The following SPOPL variants were observed in gnomAD, a reference collection of about 807,000 sequenced individuals.
SPOPL encodes speckle type BTB/POZ protein like, also known as speckle-type POZ protein-like.
SPOPL carries 23 observed loss-of-function variants against 53.8 expected under a neutral mutation model. That is an observed-to-expected ratio of 0.43 (90% CI 0.31 to 0.61). SPOPL has a LOEUF of 0.61. SPOPL is among the 20% of genes least tolerant of loss of function. SPOPL has a pLI of 0.12. For synonymous variants in SPOPL, 164 were observed against 149.7 expected, an observed-to-expected ratio of 1.10 and a Z score of -0.70; for missense variants, 442 against 466.9, an observed-to-expected ratio of 0.95 and a Z score of 0.49.
chr2:138,546,707 G>A lies in SPOPL; in HGVS notation c.-60-3450G>A, dbSNP rs1488926010. ...ATTGACTTTGGAGCCAGGCAAATTT[G>A]TGTTCATCTATTTTCTAATTACTTT... On this transcript the variant is annotated intron_variant, in intron 1 of 10. Transcript: ENST00000280098. Among the ~76,000 whole-genome samples the A allele has an allele frequency of 2.6e-5, 4 of 151,024 alleles. No homozygotes were observed. The East Asian group carries it at 7.9e-4, about 30-fold the overall frequency.
chr2:138,522,880 C>T (rs970888262), intron 1 of SPOPL, among the ~76,000 whole-genome samples: 9 of 152,050 alleles, frequency 5.9e-5, no homozygotes, highest in African/African-American at 2.2e-4. Flanking sequence ...ATTAGCTATT[C>T]CATTAATTCT....
chr2:138,552,092 G>A (rs533018706), intron 4 of SPOPL, among the ~76,000 whole-genome samples: 2 of 152,110 alleles, frequency 1.3e-5, no homozygotes, highest in Admixed American at 1.3e-4. Context: ...GGATGGGTAT[G>A]TCAGGAAAGC....
At chr2:138,550,113 G>T in intron 1 of SPOPL, 44 bp from the exon 2 acceptor site, 2 of 960,076 alleles carry the variant, frequency 2.1e-6, no homozygotes, top group South Asian at 1.5e-5. Flanking sequence ...TGATTCTGTC[G>T]TTTAAACTTT....
At chr2:138,513,754 A>G in intron 1 of SPOPL, among the ~76,000 whole-genome samples, 1 of 151,814 alleles carries the variant, frequency 6.6e-6, no homozygotes, top group South Asian at 2.1e-4. Context: ...AAAAAAAAAA[A>G]AAAAATTGGC....
chr2:138,552,535 C>G lies in SPOPL; in HGVS notation c.353-19C>G, dbSNP rs1460239621. 1.3e-6 allele frequency: 2 copies of G among 1,594,216 alleles called. No individual in the cohort carries two copies. Among genetic ancestry groups the G allele is most frequent in the Middle Eastern group, 1.7e-4 (1 of 5,888 alleles). ...CTTGGATATTTATTTTATTTAAACTCTATTCTGTTTTCCACCAGAAAGCCA... is the reference window on the plus strand; with the variant it reads ...CTTGGATATTTATTTTATTTAAACTGTATTCTGTTTTCCACCAGAAAGCCA... On this transcript the variant is annotated intron_variant, in intron 4 of 10. Coordinates refer to ENST00000280098, the MANE Select transcript of SPOPL (RefSeq NM_001001664.3).
chr2:138,550,070 T>C (rs1489315704), intron 1 of SPOPL, 87 bp from the exon 2 acceptor site: 4 of 592,652 alleles, frequency 6.7e-6, no homozygotes, highest in African/African-American at 1.8e-5. Context: ...GGATAGTAAT[T>C]GTTTCATGTC....
chr2:138,546,726 TTACTTTAAAG>T (rs1249861228), intron 1 of SPOPL, among the ~76,000 whole-genome samples: 1 of 118,234 alleles, frequency 8.5e-6, no homozygotes, highest in South Asian at 2.9e-4. Context: ...TATTTTCTAA[TTACTTTAAAG>T]TAAGCTTTCT....
At chr2:138,564,435 A>G (rs16840713) in intron 8 of SPOPL, 44,948 of 343,492 alleles carry the variant, frequency 0.13, 3,394 homozygotes, top group African/African-American at 0.23. Flanking sequence ...TATATTTATT[A>G]AGAATATTGA....
At chr2:138,558,838 A>G (rs1573906482) in intron 5 of SPOPL, among the ~76,000 whole-genome samples, 184 bp from the exon 6 acceptor site, 1 of 152,126 alleles carries the variant, frequency 6.6e-6, no homozygotes, top group South Asian at 2.1e-4. Context: ...CTATATTTCT[A>G]ATTTTTTCAT....
chr2:138,554,786 A>T (rs1205767664), intron 5 of SPOPL, among the ~76,000 whole-genome samples: 1 of 152,256 alleles, frequency 6.6e-6, no homozygotes, highest in Non-Finnish European at 1.5e-5. Context: ...ATTTCATGAT[A>T]TACAGGAAAA....
intron 1 of SPOPL, among the ~76,000 whole-genome samples, chr2:138,545,995 AAG>A (rs1473507711): frequency 6.6e-6 from 1 of 152,206 alleles, no homozygotes; most frequent in Non-Finnish European, 1.5e-5. Context: ...ACTTCTGGTA[AAG>A]AGAGGAAACA....
intron 7 of SPOPL, 97 bp from the exon 8 acceptor site, chr2:138,560,708 G>A: frequency 7.6e-7 from 1 of 1,312,810 alleles, no homozygotes; most frequent in Non-Finnish European, 1.0e-6. Context: ...TTTTAGTGTA[G>A]ATTTAGGGCT....
intron 8 of SPOPL, among the ~76,000 whole-genome samples, 165 bp downstream of exon 8, chr2:138,561,092 A>T (rs1349548219): frequency 1.3e-5 from 2 of 152,136 alleles, no homozygotes; most frequent in Non-Finnish European, 2.9e-5. Flanking sequence ...ATTTTTTTTT[A>T]AAAGTCATGA....
Position 138,538,991 on chromosome 2 carries a change from C to T in SPOPL, c.-60-11166C>T, listed in dbSNP as rs185841324. 2.9e-3 allele frequency among the ~76,000 whole-genome samples: 437 copies of T among 152,216 alleles called. 2 individuals carry two copies. Among genetic ancestry groups the T allele is most frequent in the Middle Eastern group, 0.01 (3 of 294 alleles). ...TCAATTTTCCACCTATGAGTGAGAA[C>T]ATGCGGTGTTTGGTTTTTTGTCCTT... On this transcript the variant is annotated intron_variant, in intron 1 of 10. Coordinates refer to ENST00000280098, the MANE Select transcript of SPOPL (RefSeq NM_001001664.3).
intron 1 of SPOPL, among the ~76,000 whole-genome samples, chr2:138,522,087 C>T (rs1350202003): frequency 2.6e-5 from 4 of 152,110 alleles, no homozygotes; most frequent in Non-Finnish European, 4.4e-5. Context: ...CCTTAACACC[C>T]GGATTGAAGC....
chr2:138,513,078 G>C (rs1440806663), intron 1 of SPOPL, among the ~76,000 whole-genome samples: 1 of 152,202 alleles, frequency 6.6e-6, no homozygotes, highest in Non-Finnish European at 1.5e-5. Context: ...TGGTGGTGAA[G>C]GGGGAGAGCT....
chr2:138,516,784 G>A (rs945510630), intron 1 of SPOPL, among the ~76,000 whole-genome samples: 2 of 152,194 alleles, frequency 1.3e-5, no homozygotes, highest in African/African-American at 4.8e-5. Flanking sequence ...TCAGGGAGTT[G>A]AAAGAACTCT....
chr2:138,526,629 G>A (rs1684681445), intron 1 of SPOPL, among the ~76,000 whole-genome samples: 1 of 151,530 alleles, frequency 6.6e-6, no homozygotes, highest in Non-Finnish European at 1.5e-5. Flanking sequence ...GTTTAATTGG[G>A]TTCAGAATAC....
chr2:138,560,861 C>G lies in SPOPL; in HGVS notation c.771C>G (p.Phe257Leu). 2 of 1,609,512 alleles carry G rather than the reference C, an allele frequency of 1.2e-6. No individual in the cohort carries two copies. The highest frequency in any genetic ancestry group is 1.7e-6 in the Non-Finnish European group (2 of 1,178,688). The change falls in exon 8 of 11, where the codon TTC becomes TTG. Residue 257 changes from phenylalanine to leucine, a missense_variant. Coordinates refer to ENST00000280098, the MANE Select transcript of SPOPL (RefSeq NM_001001664.3). ...AAGTTTTTAAAGAAATGATGAGATTCATTTACACAGGGAGAGCACCAAACC... is the reference window on the plus strand; with the variant it reads ...AAGTTTTTAAAGAAATGATGAGATTGATTTACACAGGGAGAGCACCAAACC... ...DPEVFKEMMR[F>L]IYTGRAPNLD...
Sources: allele counts gnomAD v4.1 joint callset (sites outside exome capture counted in the v4.1 genomes callset), GRCh38; gene constraint gnomAD v4.1.1; transcripts MANE v1.5; gene names NCBI Gene and HGNC (gene_info 2026-07-23, HGNC 2026-07-21).